Variants in VPS53 observed in about 807,000 individuals in gnomAD.
VPS53 encodes VPS53 subunit of GARP complex.
VPS53 carries 70 observed loss-of-function variants against 107.0 expected under a neutral mutation model. The ratio of observed to expected loss-of-function variants is 0.65; its 90% CI spans 0.54 to 0.80. The LOEUF is 0.80. Ranked by LOEUF, VPS53 falls within the 30% of genes least tolerant of loss-of-function variation. The pLI is 0.00. For synonymous variants in VPS53, 409 were observed against 393.3 expected (o/e 1.04, Z -0.47); for missense variants, 917 against 1,049.4 (o/e 0.87, Z 1.74).
intron 4 of VPS53, among the ~76,000 whole-genome samples, chr17:677,874 T>C (rs1972229399): frequency 6.6e-6 from 1 of 151,706 alleles, no homozygotes; most frequent in African/African-American, 2.4e-5. Context: ...AATCCCAACA[T>C]TTAAAAGGCT....
At chr17:713,664 AAAAGAAAAAAAG>A (rs759313315) in intron 1 of VPS53, among the ~76,000 whole-genome samples, 23 of 147,312 alleles carry the variant, frequency 1.6e-4, no homozygotes, top group Non-Finnish European at 2.9e-4. Context: ...AAAACAAAAA[AAAAGAAAAAAAG>A]AAAAGAAAAA....
intron 6 of VPS53, among the ~76,000 whole-genome samples, chr17:654,565 C>A (rs1422476276): frequency 6.6e-6 from 1 of 151,702 alleles, no homozygotes; most frequent in Non-Finnish European, 1.5e-5. Flanking sequence ...GGCGAAACCC[C>A]GTCTCTACTA....
Position 519,766 on chromosome 17 carries a change from T to C in VPS53, c.2328+60A>G. On this transcript the variant is annotated intron_variant, in intron 21 of 21. Coordinates refer to ENST00000437048, the MANE Select transcript of VPS53 (RefSeq NM_001128159.3). This position sits in a 1 kb window ranked among gnomAD's most constrained non-coding sequence, Gnocchi z 5.0. ...CCGGAACTTATATCCCAATTCCCGG[T>C]TAAGAACCGCTGAGTGTGAGGGGGA... 7.8e-7 allele frequency: 1 copy of C among 1,290,280 alleles called. No individual in the cohort carries two copies. 79.9% of individuals were successfully genotyped at this position (1,290,280 alleles called of 1,614,324 possible).
chr17:519,866 T>A lies in VPS53; in HGVS notation c.2288A>T (p.Asp763Val). Residue 763 changes from aspartate (D) to valine (V), a missense_variant, in exon 21 of 22, where the codon GAC becomes GTC. By Grantham distance (152) the Asp-to-Val change is radical. Coordinates refer to ENST00000437048, the MANE Select transcript of VPS53 (RefSeq NM_001128159.3). This position sits in a 1 kb window ranked among gnomAD's most constrained non-coding sequence, Gnocchi z 5.0. ...CTTCTGAAAGGTTTCTGTGTTGCAG[T>A]CTGTGAGAAGTTTGATGTAGTTGTC... Reference protein sequence around the residue: ...FVDNYIKLLTDCNTETFQKIL... With the variant: ...FVDNYIKLLTVCNTETFQKIL... 6.4e-7 allele frequency: 1 copy of A among 1,551,708 alleles called. No homozygotes were observed. The highest frequency in any genetic ancestry group is 2.4e-5 in the East Asian group (1 of 40,932).
At chr17:578,779 T>C (rs1182270217) in intron 13 of VPS53, among the ~76,000 whole-genome samples, 7 of 150,912 alleles carry the variant, frequency 4.6e-5, no homozygotes, top group African/African-American at 1.2e-4. Context: ...CCTCAGAACC[T>C]AATGCGTTCC....
chr17:562,365 G>A, intron 14 of VPS53, 138 bp downstream of exon 14: 1 of 1,188,824 alleles, frequency 8.4e-7, no homozygotes, highest in Non-Finnish European at 1.2e-6. Flanking sequence ...ATAGCTTCAG[G>A]CCCTCGGGAA....
chr17:565,978 C>T (rs1567631840), intron 13 of VPS53, among the ~76,000 whole-genome samples: 6 of 152,026 alleles, frequency 3.9e-5, no homozygotes, highest in South Asian at 2.1e-4. Context: ...CCGAGGCGGG[C>T]GGATCACGAG....
intron 4 of VPS53, among the ~76,000 whole-genome samples, chr17:689,071 C>T (rs912776918): frequency 1.3e-5 from 2 of 152,162 alleles, no homozygotes; most frequent in African/African-American, 4.8e-5. Flanking sequence ...GTAGCAATTG[C>T]CATTTTTTTC....
At chr17:605,424 G>A (rs998206187) in intron 11 of VPS53, among the ~76,000 whole-genome samples, 2 of 152,132 alleles carry the variant, frequency 1.3e-5, no homozygotes, top group African/African-American at 4.8e-5. Flanking sequence ...CGGTGGAGAC[G>A]CTGGAAAGCA....
intron 2 of VPS53, among the ~76,000 whole-genome samples, chr17:707,050 G>C (rs954064847): frequency 2.0e-5 from 3 of 152,212 alleles, no homozygotes; most frequent in Non-Finnish European, 2.9e-5. Context: ...AGCAGGGTGC[G>C]AACGTCCCCA....
intron 18 of VPS53, 106 bp from the exon 19 acceptor site, chr17:533,017 A>G: frequency 1.3e-6 from 2 of 1,487,304 alleles, no homozygotes; most frequent in Non-Finnish European, 1.8e-6. Context: ...TTTTTTAATG[A>G]AGAATCGAAG....
chr17:583,364 G>T (rs567694828), intron 13 of VPS53, among the ~76,000 whole-genome samples: 1 of 146,666 alleles, frequency 6.8e-6, no homozygotes, highest in South Asian at 2.2e-4. Context: ...TGCGTTCCCA[G>T]AGACCTTCCC....
At chr17:631,495 G>C (rs1969958394) in intron 8 of VPS53, 55 bp downstream of exon 8, 1 of 1,567,978 alleles carries the variant, frequency 6.4e-7, no homozygotes. Context: ...GGGTGAGCGT[G>C]AGCTCGGCAA....
intron 2 of VPS53, among the ~76,000 whole-genome samples, chr17:706,729 G>A (rs908680282): frequency 2.0e-5 from 3 of 151,872 alleles, no homozygotes; most frequent in Non-Finnish European, 2.9e-5. Flanking sequence ...CTGAATAAAC[G>A]AATGAGTGAA....
intron 13 of VPS53, among the ~76,000 whole-genome samples, chr17:581,731 G>A (rs538468591): frequency 6.7e-6 from 1 of 149,102 alleles, no homozygotes; most frequent in East Asian, 2.0e-4. Context: ...ACTTTCCTCA[G>A]AACTTAAATG....
chr17:662,882 G>T (rs998933801), intron 4 of VPS53, among the ~76,000 whole-genome samples: 15 of 143,156 alleles, frequency 1.0e-4, no homozygotes, highest in African/African-American at 3.9e-4. Flanking sequence ...ACGAAGGAAG[G>T]AAGGAAGGAA....
intron 19 of VPS53, among the ~76,000 whole-genome samples, chr17:530,586 T>A (rs1909463632): frequency 6.6e-6 from 1 of 152,232 alleles, no homozygotes; most frequent in East Asian, 1.9e-4. Context: ...TTTAAAAATA[T>A]TGTATTTTTT....
chr17:608,498 G>A (rs1377324455), intron 11 of VPS53, among the ~76,000 whole-genome samples: 1 of 151,972 alleles, frequency 6.6e-6, no homozygotes, highest in Non-Finnish European at 1.5e-5. Flanking sequence ...TAAACAGTGT[G>A]GATACCTCCA....
intron 12 of VPS53, among the ~76,000 whole-genome samples, chr17:595,554 G>A (rs1967926678): frequency 4.5e-5 from 1 of 22,232 alleles, no homozygotes; most frequent in Admixed American, 3.6e-4. Flanking sequence ...GGAGGAAGCT[G>A]GGAGATGGGA....
Sources: gnomAD v4.1 joint callset for allele counts (sites outside exome capture counted in the v4.1 genomes callset) on GRCh38, gnomAD v4.1.1 for gene constraint, Gnocchi (gnomAD v3.1) non-coding constraint, MANE v1.5 for transcripts, NCBI Gene and HGNC (gene_info 2026-07-23, HGNC 2026-07-21) for gene names.